PTPRN2: variants seen among roughly 807,000 people sequenced by gnomAD.
PTPRN2 encodes receptor-type tyrosine-protein phosphatase N2.
In PTPRN2, 74 loss-of-function variants were observed where a neutral mutation model predicts 118.8. That is an observed-to-expected ratio of 0.62 (90% CI 0.52 to 0.76). The LOEUF (loss-of-function observed/expected upper bound fraction) is 0.76, where lower values mean the gene tolerates loss of function less well. Ranked by LOEUF, PTPRN2 falls within the 30% of genes least tolerant of loss-of-function variation. The pLI is 0.00. For synonymous variants in PTPRN2, 641 were observed against 608.0 expected (o/e 1.05, Z -0.80); for missense variants, 1,481 against 1,394.4 (o/e 1.06, Z -0.99).
At chr7:158,421,405 C>T (rs980095545) in intron 2 of PTPRN2, among the ~76,000 whole-genome samples, 23 of 152,260 alleles carry the variant, frequency 1.5e-4, no homozygotes, top group African/African-American at 4.8e-4. Flanking sequence ...CGGAGGGCAA[C>T]GTTTCATTAT....
intron 16 of PTPRN2, among the ~76,000 whole-genome samples, chr7:157,602,073 T>TA (rs1429721193): frequency 1.3e-5 from 2 of 152,288 alleles, no homozygotes; most frequent in Middle Eastern, 6.8e-3. Context: ...CACATCTTAT[T>TA]AAGGAAGATG....
chr7:158,445,662 G>T (rs1817674037), intron 2 of PTPRN2, among the ~76,000 whole-genome samples: 1 of 152,250 alleles, frequency 6.6e-6, no homozygotes, highest in African/African-American at 2.4e-5. Context: ...ACAGCCGCCT[G>T]CTGCTCATCA....
intron 3 of PTPRN2, among the ~76,000 whole-genome samples, chr7:158,307,314 C>T (rs893022557): frequency 1.3e-4 from 20 of 151,918 alleles, no homozygotes; most frequent in Admixed American, 1.3e-3. Flanking sequence ...AAATTCAGTA[C>T]AGCAGCTCAA....
chr7:157,771,746 TAC>T (rs780048557), intron 12 of PTPRN2, among the ~76,000 whole-genome samples: 44 of 140,564 alleles, frequency 3.1e-4, no homozygotes, highest in Non-Finnish European at 5.9e-4. Flanking sequence ...CAGACGCAGA[TAC>T]AGACACAAAC....
rs192517437 is a variant in PTPRN2 at position 158,329,990 on chromosome 7, G to A, written c.164-13058C>T. Among the ~76,000 whole-genome samples, 56 of 141,428 alleles carry A rather than the reference G, an allele frequency of 4.0e-4. No individual in the cohort carries two copies. The East Asian group carries it at 8.0e-3, about 20-fold the overall frequency. The allele number at this position is 141,428 out of a possible 152,430, so 92.8% of individuals were successfully genotyped here. A position where few individuals can be genotyped will look rare whatever the true frequency, so the allele number is the denominator to read the frequency against. ...GGCGACTCTCACCATAAGAGCTCACGCCCGCAGACGACACTCACACCCACA... is the reference window on the plus strand; with the variant it reads ...GGCGACTCTCACCATAAGAGCTCACACCCGCAGACGACACTCACACCCACA... On this transcript the variant is annotated intron_variant, in intron 2 of 22. Transcript: ENST00000389418.
chr7:157,976,326 C>T (rs1240073440), intron 11 of PTPRN2, among the ~76,000 whole-genome samples: 1 of 152,236 alleles, frequency 6.6e-6, no homozygotes, highest in Non-Finnish European at 1.5e-5. Context: ...CCAGCGGCTC[C>T]TCTGGCTGTT....
At chr7:157,655,619 C>T (rs1806022031) in intron 14 of PTPRN2, among the ~76,000 whole-genome samples, 1 of 152,246 alleles carries the variant, frequency 6.6e-6, no homozygotes, top group South Asian at 2.1e-4. Context: ...AGGCTCTGCC[C>T]TTTCACCCCA....
intron 17 of PTPRN2, among the ~76,000 whole-genome samples, chr7:157,588,450 C>T (rs1482851079): frequency 6.6e-6 from 1 of 152,172 alleles, no homozygotes; most frequent in Non-Finnish European, 1.5e-5. Flanking sequence ...GCAGGGGCTT[C>T]TCTGTGATCC....
chr7:158,046,894 C>T (rs1387741273), intron 11 of PTPRN2, among the ~76,000 whole-genome samples: 2 of 152,190 alleles, frequency 1.3e-5, no homozygotes, highest in African/African-American at 4.8e-5. Context: ...CAGTTCCGCC[C>T]ACTCACCAAA....
At chr7:158,446,388 G>A (rs1361190501) in intron 2 of PTPRN2, among the ~76,000 whole-genome samples, 2 of 152,170 alleles carry the variant, frequency 1.3e-5, no homozygotes, top group East Asian at 1.9e-4. Context: ...GTCGGACCAC[G>A]CTGGGCCCAC....
chr7:157,628,044 C>T (rs887004), intron 14 of PTPRN2, among the ~76,000 whole-genome samples: 66,624 of 151,996 alleles, frequency 0.44, 16,848 homozygotes, highest in African/African-American at 0.68. Flanking sequence ...GCTCATCCTA[C>T]GAGACCATTT....
At chr7:158,543,880 G>A (rs1257277224) in intron 1 of PTPRN2, among the ~76,000 whole-genome samples, 1 of 152,254 alleles carries the variant, frequency 6.6e-6, no homozygotes, top group East Asian at 1.9e-4. Context: ...CGGCTAAGCT[G>A]CCTCTGCACC....
chr7:157,708,025 C>G (rs923103252), intron 12 of PTPRN2, among the ~76,000 whole-genome samples: 1 of 152,270 alleles, frequency 6.6e-6, no homozygotes, highest in Admixed American at 6.5e-5. Flanking sequence ...AGTGGAGATG[C>G]TATCATCCCT....
At chr7:158,311,207 C>T (rs985093476) in intron 3 of PTPRN2, among the ~76,000 whole-genome samples, 3 of 152,182 alleles carry the variant, frequency 2.0e-5, no homozygotes, top group Non-Finnish European at 4.4e-5. Flanking sequence ...AGGACCCGTG[C>T]GGCCAGCCTT....
At chr7:157,638,525 T>C (rs1450394532) in intron 14 of PTPRN2, among the ~76,000 whole-genome samples, 1 of 152,248 alleles carries the variant, frequency 6.6e-6, no homozygotes, top group East Asian at 1.9e-4. Context: ...CTCTTCCAAT[T>C]GCTTTGAAAC....
chr7:157,853,847 G>A (rs1363137438), intron 12 of PTPRN2, among the ~76,000 whole-genome samples: 2 of 152,198 alleles, frequency 1.3e-5, no homozygotes, highest in Non-Finnish European at 2.9e-5. Context: ...GGAGGTAACT[G>A]GCTAAGTTTC....
At chr7:158,160,280 G>A (rs190372649) in intron 6 of PTPRN2, among the ~76,000 whole-genome samples, 9 of 152,288 alleles carry the variant, frequency 5.9e-5, no homozygotes, top group Admixed American at 5.9e-4. Context: ...GGGAAGGTCT[G>A]CCTCAGTGTT....
intron 3 of PTPRN2, among the ~76,000 whole-genome samples, chr7:158,271,689 GTTTC>G (rs1443352057): frequency 6.6e-6 from 1 of 152,150 alleles, no homozygotes; most frequent in Non-Finnish European, 1.5e-5. Flanking sequence ...AACAACAGAG[GTTTC>G]TTTCTCACAG....
chr7:158,149,578 G>T (rs868278309), intron 6 of PTPRN2, among the ~76,000 whole-genome samples: 11 of 152,240 alleles, frequency 7.2e-5, no homozygotes, highest in South Asian at 2.1e-4. Context: ...CGAGGTGGGT[G>T]GATCACCTGA....
Sources: gnomAD v4.1 joint callset for allele counts (sites outside exome capture counted in the v4.1 genomes callset) on GRCh38, gnomAD v4.1.1 for gene constraint, MANE v1.5 for transcripts, NCBI Gene and HGNC (gene_info 2026-07-23, HGNC 2026-07-21) for gene names.